The following SEC16B variants were observed in gnomAD, a reference collection of about 807,000 sequenced individuals.
SEC16B encodes the protein SEC16 homolog B, endoplasmic reticulum export factor.
In SEC16B, 115 loss-of-function variants were observed where a neutral mutation model predicts 141.8. The observed-to-expected ratio is 0.81, with a 90% CI of 0.70 to 0.95. SEC16B has a LOEUF of 0.95. Among genes scored for constraint, SEC16B ranks in the 40% least tolerant of loss-of-function variants. The pLI is 0.00. For synonymous variants in SEC16B, 493 were observed against 492.5 expected (o/e 1.00, Z -0.01); for missense variants, 1,291 against 1,312.3 (o/e 0.98, Z 0.25).
At chr1:177,970,609 G>T (rs1017843662), upstream of SEC16B, among the ~76,000 whole-genome samples, 2 of 152,086 alleles carry the variant, frequency 1.3e-5, no homozygotes, top group Admixed American at 1.3e-4. Context: ...TCACCATTGG[G>T]TTCTGGTTAT....
intron 8 of SEC16B, chr1:177,959,348 C>A: frequency 7.3e-6 from 2 of 272,758 alleles, no homozygotes; most frequent in Non-Finnish European, 1.4e-5. Flanking sequence ...GCTTTGTCCC[C>A]TAAAATAGGG....
chr1:177,933,484 CTTTG>C lies in SEC16B; in HGVS notation c.2720_2723del (p.Thr907ArgfsTer51). The C allele has an allele frequency of 6.2e-7, 1 of 1,612,498 alleles. No individual in the cohort carries two copies. Among genetic ancestry groups the C allele is most frequent in the Non-Finnish European group, 8.5e-7 (1 of 1,179,244 alleles). ...GGGAGAGAAGAACAAGTCCCTCCAC[CTTTG>C]TATGCTCCTTCCCATCTCCGAGCTT... On this transcript the variant is annotated frameshift_variant and splice_region_variant, in exon 21 of 26. Coordinates refer to ENST00000308284, the MANE Select transcript of SEC16B (RefSeq NM_033127.4). LOFTEE classifies it high-confidence loss of function.
At chr1:177,982,028 G>A (rs543786578) in intron 1 of SEC16B, among the ~76,000 whole-genome samples, 25 of 152,318 alleles carry the variant, frequency 1.6e-4, no homozygotes, top group South Asian at 8.3e-4. Context: ...AGGAAGAGAA[G>A]TAATGAAGAC....
At position 177,954,317 on chromosome 1, in the gene SEC16B, G is replaced by T. The variant is rs747796377; in HGVS notation, c.1425C>A (p.Ser475Arg). The T allele has an allele frequency of 1.4e-5, 22 of 1,573,230 alleles. No individual in the cohort carries two copies. The highest frequency in any genetic ancestry group is 1.6e-5 in the Non-Finnish European group (19 of 1,158,384). Residue 475 changes from serine to arginine, a missense_variant, in exon 11 of 26, where the codon AGC becomes AGA. This residue lies in a region of SEC16B where 681 missense variants were observed against 675.5 expected (regional missense o/e 1.01). Coordinates refer to ENST00000308284, the MANE Select transcript of SEC16B (RefSeq NM_033127.4). ...AGCTGTAGGTCTGTGGGTCCATCTT[G>T]CTGGACAGGAACAAAGCATGGCCCC... is the stretch of plus-strand genomic sequence containing the variant. ...HLWGHALFLS[S>R]KMDPQTYSWV...
chr1:177,947,083 A>C (rs766145241), intron 13 of SEC16B, among the ~76,000 whole-genome samples: 1 of 152,208 alleles, frequency 6.6e-6, no homozygotes, highest in African/African-American at 2.4e-5. Flanking sequence ...AACAAACATT[A>C]GTTCCCTTCC....
intron 5 of SEC16B, among the ~76,000 whole-genome samples, chr1:177,962,920 A>G (rs754734358): frequency 6.6e-6 from 1 of 151,814 alleles, no homozygotes; most frequent in Non-Finnish European, 1.5e-5. Context: ...CAGCCTGGCC[A>G]ACATGGTGAA....
Position 177,929,838 on chromosome 1 carries a change from C to A in SEC16B, c.*20G>T. 2.5e-6 allele frequency: 4 copies of A among 1,613,218 alleles called. No homozygotes were observed. The highest frequency in any genetic ancestry group is 3.4e-6 in the Non-Finnish European group (4 of 1,179,534). ...GAAAGTTTCAGTCCTGGGAGATGAGCCTGGGACGTGTGTTTATTCTCAGCA... is the reference window on the plus strand; with the variant it reads ...GAAAGTTTCAGTCCTGGGAGATGAGACTGGGACGTGTGTTTATTCTCAGCA... On this transcript the variant is annotated 3_prime_UTR_variant, in exon 26 of 26. Coordinates refer to ENST00000308284, the MANE Select transcript of SEC16B (RefSeq NM_033127.4).
intron 4 of SEC16B, 145 bp from the exon 5 acceptor site, chr1:177,964,424 A>T: frequency 1.8e-6 from 1 of 567,532 alleles, no homozygotes; most frequent in East Asian, 3.0e-5. Context: ...TTTTCCTCCT[A>T]CTCACCACCT....
chr1:177,936,335 T>G lies in SEC16B; in HGVS notation c.2534A>C (p.Gln845Pro), dbSNP rs1253442734. The G allele has an allele frequency of 6.2e-7, 1 of 1,610,944 alleles. No homozygotes were observed. The highest frequency in any genetic ancestry group is 2.2e-5 in the East Asian group (1 of 44,842). Residue 845 changes from glutamine to proline, a missense_variant, in exon 20 of 26, where the codon CAG becomes CCG. By Grantham distance (76) the Gln-to-Pro change is moderately conservative. This residue lies in a region of SEC16B where 605 missense variants were observed against 614.1 expected (regional missense o/e 0.99). Transcript: ENST00000308284. ...AATGACCTCTTGGCCATCAGGAGGC[T>G]GGGAAGTTTCTTGAGACACTGTGTT... ...GENTVSQETS[Q>P]PPDGQEVISK... is the part of the protein sequence containing the mutation.
At chr1:177,951,306 A>T (rs1264282385) in intron 12 of SEC16B, among the ~76,000 whole-genome samples, 1 of 152,204 alleles carries the variant, frequency 6.6e-6, no homozygotes, top group African/African-American at 2.4e-5. Context: ...TCAACACCAG[A>T]GCATAATCTA....
chr1:177,930,019 G>A, intron 25 of SEC16B, 90 bp from the exon 26 acceptor site: 2 of 1,264,478 alleles, frequency 1.6e-6, no homozygotes, highest in Non-Finnish European at 2.2e-6. Flanking sequence ...AGGGCACCCT[G>A]AGCCTCTGTG....
chr1:177,958,323 C>A lies in SEC16B; in HGVS notation c.1174G>T (p.Asp392Tyr), dbSNP rs778875015. 7 of 1,606,748 alleles carry A rather than the reference C, an allele frequency of 4.4e-6. No homozygotes were observed. Among genetic ancestry groups the A allele is most frequent in the African/African-American group, 1.3e-5 (1 of 74,812 alleles). ...GSDIAELLMQ[D>Y]CKKLEKYKRQ... Reference sequence around the variant, plus strand: ...TTGTACTTCTCCAGCTTCTTGCAGTCTTGCATTAGCAGCTCAGCGATGTCA... The same window carrying A: ...TTGTACTTCTCCAGCTTCTTGCAGTATTGCATTAGCAGCTCAGCGATGTCA... Residue 392 changes from aspartate (D) to tyrosine (Y), a missense_variant, in exon 10 of 26, where the codon GAC becomes TAC. Coordinates refer to ENST00000308284, the MANE Select transcript of SEC16B (RefSeq NM_033127.4).
At chr1:177,935,677 G>A (rs1045704790) in intron 20 of SEC16B, among the ~76,000 whole-genome samples, 8 of 149,414 alleles carry the variant, frequency 5.4e-5, no homozygotes, top group South Asian at 4.2e-4. Context: ...AAAAAAAAAC[G>A]GAAAAACATT....
rs1268756984 is a variant in SEC16B at position 177,965,053 on chromosome 1, T to C, written c.527A>G (p.His176Arg). ...HSPFGTNSET[H>R]FQSNSRNPCK... ...CCTCTCCTTTCACACTTACTGGAAG[T>C]GGGTCTCACTATTTGTTCCAAATGG... The change falls in exon 4 of 26, where the codon CAC becomes CGC. Residue 176 changes from histidine to arginine, a missense_variant. His to Arg is a conservative substitution (Grantham distance 29). Coordinates refer to ENST00000308284, the MANE Select transcript of SEC16B (RefSeq NM_033127.4). 6.2e-7 allele frequency: 1 copy of C among 1,613,412 alleles called. No individual in the cohort carries two copies. Among genetic ancestry groups the C allele is most frequent in the Non-Finnish European group, 8.5e-7 (1 of 1,179,688 alleles).
chr1:177,953,853 C>T (rs1304099045), intron 11 of SEC16B, among the ~76,000 whole-genome samples: 1 of 152,074 alleles, frequency 6.6e-6, no homozygotes, highest in Non-Finnish European at 1.5e-5. Flanking sequence ...TGCTACCCCA[C>T]ACCCCCACCC....
chr1:177,974,450 C>A (rs1371570006), upstream of SEC16B, among the ~76,000 whole-genome samples: 1 of 152,036 alleles, frequency 6.6e-6, no homozygotes, highest in Admixed American at 6.6e-5. Context: ...GGGCAGATAA[C>A]CAGAAAAGGA....
chr1:177,981,366 C>G (rs1192035473), intron 1 of SEC16B, among the ~76,000 whole-genome samples: 2 of 151,952 alleles, frequency 1.3e-5, no homozygotes, highest in Admixed American at 6.6e-5. Flanking sequence ...CAGCAGTCAG[C>G]ACATGTCCAG....
At chr1:177,942,332 C>T (rs1479089865) in intron 15 of SEC16B, among the ~76,000 whole-genome samples, 1 of 152,212 alleles carries the variant, frequency 6.6e-6, no homozygotes, top group African/African-American at 2.4e-5. Context: ...GGTAGCCCCA[C>T]ATATCCAGAG....
intron 14 of SEC16B, 49 bp downstream of exon 14, chr1:177,946,371 A>T: frequency 7.6e-7 from 1 of 1,323,496 alleles, no homozygotes; most frequent in Non-Finnish European, 1.1e-6. Context: ...GGGCTAAAAC[A>T]GTCCCTTGGA....
Sources: allele counts gnomAD v4.1 joint callset (sites outside exome capture counted in the v4.1 genomes callset), GRCh38; gene constraint gnomAD v4.1.1; regional missense constraint gnomAD v4.1.1; transcripts MANE v1.5; gene names NCBI Gene and HGNC (gene_info 2026-07-23, HGNC 2026-07-21).